Variants in KIF13B observed in about 807,000 individuals in gnomAD.
KIF13B encodes the protein kinesin family member 13B.
Under a neutral mutation model 222.0 loss-of-function variants are expected in KIF13B, and 127 were observed. That is an observed-to-expected ratio of 0.57 (90% CI 0.50 to 0.66). The LOEUF is 0.66. Among genes scored for constraint, KIF13B ranks in the 30% least tolerant of loss-of-function variants. The pLI is 0.00. For synonymous variants in KIF13B, 976 were observed against 919.0 expected, an observed-to-expected ratio of 1.06 and a Z score of -1.12; for missense variants, 2,173 against 2,379.0, an observed-to-expected ratio of 0.91 and a Z score of 1.80.
rs761581932 is a variant in KIF13B, at chr8:29,177,548, G to T, written c.751C>A (p.Leu251Met). The T allele has an allele frequency of 2.5e-6, 4 of 1,613,644 alleles. No homozygotes were observed. The highest frequency in any genetic ancestry group is 3.4e-6 in the Non-Finnish European group (4 of 1,179,626). The stretch of plus-strand genomic sequence containing the variant: ...CGTTCACTGCCAGCTAAATCCACCA[G>T]GCTGAGTTTGCCCACTTTCTCTCCA... Reference protein sequence around the residue: ...TSGEKVGKLSLVDLAGSERAT... With the variant: ...TSGEKVGKLSMVDLAGSERAT... Residue 251 changes from leucine to methionine, a missense_variant, in exon 9 of 40, where the codon CTG becomes ATG. Transcript: ENST00000524189.
At chr8:29,195,534 G>A (rs1355925666) in intron 3 of KIF13B, among the ~76,000 whole-genome samples, 1 of 152,196 alleles carries the variant, frequency 6.6e-6, no homozygotes, top group Non-Finnish European at 1.5e-5. Flanking sequence ...GCCACGGACT[G>A]TAAAGGAAAA....
At chr8:29,257,162 T>A (rs1464085729) in intron 1 of KIF13B, among the ~76,000 whole-genome samples, 1 of 152,204 alleles carries the variant, frequency 6.6e-6, no homozygotes, top group African/African-American at 2.4e-5. Context: ...TATTTTCTTT[T>A]TCTTCAGTCA....
chr8:29,074,455 C>A (rs1271100151), intron 38 of KIF13B, among the ~76,000 whole-genome samples: 3 of 152,228 alleles, frequency 2.0e-5, no homozygotes, highest in Non-Finnish European at 4.4e-5. Flanking sequence ...ATGGATTATA[C>A]CCTTGCCACT....
intron 2 of KIF13B, among the ~76,000 whole-genome samples, chr8:29,228,472 A>AATATATATAT (rs1491523107): frequency 3.4e-5 from 4 of 117,084 alleles, no homozygotes; most frequent in Admixed American, 8.9e-5. Flanking sequence ...ATCTTAAAAA[A>AATATATATAT]ATATATATAT....
chr8:29,143,247 A>G (rs1356540773), intron 18 of KIF13B, among the ~76,000 whole-genome samples: 1 of 152,246 alleles, frequency 6.6e-6, no homozygotes, highest in Non-Finnish European at 1.5e-5. Flanking sequence ...AGGCCACCAT[A>G]TGACCACAAC....
chr8:29,108,723 G>A lies in KIF13B; in HGVS notation c.4162-531C>T, dbSNP rs75177638. Among the ~76,000 whole-genome samples the A allele has an allele frequency of 6.7e-3, 1,017 of 152,298 alleles. 10 individuals carry two copies. Among genetic ancestry groups the A allele is most frequent in the African/African-American group, 0.023 (936 of 41,552 alleles). ...TCTGAGATGGTTGGTGGCATCCAGC[G>A]TGAAACTCCTCCTATCACTCTCTCT... On this transcript the variant is annotated intron_variant, in intron 34 of 39. Coordinates refer to ENST00000524189, the MANE Select transcript of KIF13B (RefSeq NM_015254.4).
At chr8:29,257,455 T>C (rs1816526638) in intron 1 of KIF13B, among the ~76,000 whole-genome samples, 1 of 152,160 alleles carries the variant, frequency 6.6e-6, no homozygotes, top group South Asian at 2.1e-4. Context: ...CCTTAATTAA[T>C]AGTTTTGTCA....
chr8:29,132,848 A>AT (rs1810404766), intron 22 of KIF13B, among the ~76,000 whole-genome samples: 2 of 152,192 alleles, frequency 1.3e-5, no homozygotes, highest in South Asian at 2.1e-4. Context: ...TTGCAAAAAC[A>AT]TTTTTTCCCA....
At chr8:29,223,366 A>C (rs1464691937) in intron 2 of KIF13B, among the ~76,000 whole-genome samples, 1 of 151,136 alleles carries the variant, frequency 6.6e-6, no homozygotes, top group East Asian at 1.9e-4. Context: ...TAAATCAAAC[A>C]TTTTCTGTAC....
At chr8:29,215,640 C>T (rs376937497) in intron 2 of KIF13B, among the ~76,000 whole-genome samples, 3 of 152,152 alleles carry the variant, frequency 2.0e-5, no homozygotes, top group East Asian at 3.9e-4. Flanking sequence ...TGCAGTCAGC[C>T]GTGATGGCAC....
chr8:29,113,853 G>C (rs1809472511), intron 31 of KIF13B, among the ~76,000 whole-genome samples: 1 of 152,216 alleles, frequency 6.6e-6, no homozygotes, highest in Non-Finnish European at 1.5e-5. Flanking sequence ...CAATGCTACA[G>C]AAATATAAGC....
At chr8:29,170,248 T>G (rs922582283) in intron 10 of KIF13B, among the ~76,000 whole-genome samples, 1 of 152,220 alleles carries the variant, frequency 6.6e-6, no homozygotes, top group African/African-American at 2.4e-5. Flanking sequence ...GTCAGAATTT[T>G]TAAAAGCTGA....
chr8:29,171,311 G>A (rs1311083545), intron 10 of KIF13B, among the ~76,000 whole-genome samples: 6 of 152,282 alleles, frequency 3.9e-5, no homozygotes, highest in African/African-American at 1.4e-4. Flanking sequence ...CTCCCTGGGA[G>A]AAGAGCACTC....
At chr8:29,173,814 C>A (rs1372072349) in intron 10 of KIF13B, among the ~76,000 whole-genome samples, 1 of 151,450 alleles carries the variant, frequency 6.6e-6, no homozygotes, top group African/African-American at 2.4e-5. Context: ...TGTGGCGGTG[C>A]GCACCTGTAA....
rs1340811187 is a variant in KIF13B at position 29,070,315 on chromosome 8, T to G, written c.*189A>C. 9.5e-6 allele frequency: 6 copies of G among 634,690 alleles called. No individual in the cohort carries two copies. Among genetic ancestry groups the G allele is most frequent in the Admixed American group, 3.1e-5 (1 of 32,764 alleles). The allele number at this position is 634,690 out of a possible 1,614,324, so 39.3% of individuals were successfully genotyped here. A position where few individuals can be genotyped will look rare whatever the true frequency, so the allele number is the denominator to read the frequency against. ...AGGAGGCACAGTTGAGGCCCCCACT[T>G]TACCCGGGTACAGAAGAAACAAAGC... On this transcript the variant is annotated 3_prime_UTR_variant, in exon 40 of 40. Transcript: ENST00000524189. This position sits in a 1 kb window ranked among gnomAD's most constrained non-coding sequence, Gnocchi z 4.1.
intron 1 of KIF13B, among the ~76,000 whole-genome samples, chr8:29,250,977 C>T (rs187301002): frequency 6.6e-6 from 1 of 151,914 alleles, no homozygotes; most frequent in African/African-American, 2.4e-5. Context: ...ATGGTGAAAC[C>T]CCATCTCTAC....
In KIF13B at chr8:29,068,745, C is replaced by G. The variant is rs1156924527; in HGVS notation, c.*1759G>C. 6.6e-6 allele frequency: 1 copy of G among 152,384 alleles called. No homozygotes were observed. Among genetic ancestry groups the G allele is most frequent in the African/African-American group, 2.4e-5 (1 of 41,436 alleles). The allele number at this position is 152,384 out of a possible 1,614,324, so 9.4% of individuals were successfully genotyped here. On this transcript the variant is annotated 3_prime_UTR_variant, in exon 40 of 40. Coordinates refer to ENST00000524189, the MANE Select transcript of KIF13B (RefSeq NM_015254.4). The surrounding 1 kb of genome is among the most constrained non-coding windows in gnomAD (Gnocchi z 4.4). Reference sequence around the variant, plus strand: ...CAGGCCATAGTGACACCAGCGGACCCAAAAACAAACTTCTCAGTGAAACAG... The same window carrying G: ...CAGGCCATAGTGACACCAGCGGACCGAAAAACAAACTTCTCAGTGAAACAG...
rs535766694 is a variant in KIF13B, at chr8:29,242,993, A to G, written c.149+2353T>C. 6.4e-4 allele frequency among the ~76,000 whole-genome samples: 97 copies of G among 152,322 alleles called. 1 individual carries two copies. Among genetic ancestry groups the G allele is most frequent in the Middle Eastern group, 3.4e-3 (1 of 294 alleles). Reference sequence around the variant, plus strand: ...GCAAAGCTGAAATTTCTCTAGAACTAGGTGATTTCTTGGTAGACATCTATA... The same window carrying G: ...GCAAAGCTGAAATTTCTCTAGAACTGGGTGATTTCTTGGTAGACATCTATA... On this transcript the variant is annotated intron_variant, in intron 2 of 39. Coordinates refer to ENST00000524189, the MANE Select transcript of KIF13B (RefSeq NM_015254.4).
At chr8:29,257,365 G>A (rs1816522816) in intron 1 of KIF13B, among the ~76,000 whole-genome samples, 1 of 150,454 alleles carries the variant, frequency 6.6e-6, no homozygotes, top group South Asian at 2.1e-4. Context: ...AACATGCTCT[G>A]CCAAACACAA....
Sources: allele counts gnomAD v4.1 joint callset (sites outside exome capture counted in the v4.1 genomes callset), GRCh38; gene constraint gnomAD v4.1.1; non-coding constraint Gnocchi (gnomAD v3.1); transcripts MANE v1.5; gene names NCBI Gene and HGNC (gene_info 2026-07-23, HGNC 2026-07-21).